PTPRU: variants seen among roughly 807,000 people sequenced by gnomAD.
PTPRU encodes receptor-type tyrosine-protein phosphatase U.
Under a neutral mutation model 166.3 loss-of-function variants are expected in PTPRU, and 69 were observed. That is an observed-to-expected ratio of 0.41 (90% CI 0.34 to 0.51). The LOEUF is 0.51. Ranked by LOEUF, PTPRU falls within the 20% of genes least tolerant of loss-of-function variation. The probability of loss-of-function intolerance (pLI) is 0.09; values close to 1 mark genes in which losing one functional copy is unlikely to be tolerated. For missense variants in PTPRU, 1,657 were observed against 2,013.7 expected, an observed-to-expected ratio of 0.82 and a Z score of 3.39; for synonymous variants, 793 against 814.0, an observed-to-expected ratio of 0.97 and a Z score of 0.44.
intron 15 of PTPRU, among the ~76,000 whole-genome samples, chr1:29,298,544 A>G (rs1049166322): frequency 7.2e-5 from 11 of 152,188 alleles, no homozygotes; most frequent in African/African-American, 2.7e-4. Context: ...AACCTTCCCA[A>G]GGTGTTGGAA....
In PTPRU at chr1:29,320,181, C is replaced by A. The variant is rs1397537741; in HGVS notation, c.3688-504C>A. ...AAATGTCATCAACTGGAAATTTCTACAAAAACAGCCAGGCAGTGTTTAATG... is the reference window on the plus strand; with the variant it reads ...AAATGTCATCAACTGGAAATTTCTAAAAAAACAGCCAGGCAGTGTTTAATG... On this transcript the variant is annotated intron_variant, in intron 25 of 29. Coordinates refer to ENST00000373779, the MANE Select transcript of PTPRU (RefSeq NM_133178.4). The surrounding 1 kb of genome is among the most constrained non-coding windows in gnomAD (Gnocchi z 5.2). 6.5e-6 allele frequency: 1 copy of A among 152,906 alleles called. No individual in the cohort carries two copies. Among genetic ancestry groups the A allele is most frequent in the Non-Finnish European group, 1.5e-5 (1 of 68,616 alleles). 9.5% of individuals were successfully genotyped at this position (152,906 alleles called of 1,614,324 possible). A position where few individuals can be genotyped will look rare whatever the true frequency, so the allele number is the denominator to read the frequency against.
intron 25 of PTPRU, 112 bp downstream of exon 25, chr1:29,318,033 A>G: frequency 7.3e-7 from 1 of 1,377,322 alleles, no homozygotes; most frequent in Non-Finnish European, 9.8e-7. Flanking sequence ...ACCCCTGCCC[A>G]TTCTGGGGAA....
chr1:29,281,452 T>A lies in PTPRU; in HGVS notation c.1869-1224T>A, dbSNP rs754493837. Among the ~76,000 whole-genome samples the A allele has an allele frequency of 6.4e-4, 98 of 152,014 alleles. 1 individual carries two copies. Among genetic ancestry groups the A allele is most frequent in the Non-Finnish European group, 2.2e-4 (15 of 67,998 alleles). ...TGGTCAGGGTCCCTCAGGATGATGA[T>A]TGCAAGGCTAGGTGGGGGCAGGCTT... On this transcript the variant is annotated intron_variant, in intron 11 of 29. Transcript: ENST00000373779.
chr1:29,244,852 T>C (rs1684220468), intron 1 of PTPRU, among the ~76,000 whole-genome samples: 1 of 152,170 alleles, frequency 6.6e-6, no homozygotes, highest in Admixed American at 6.5e-5. Context: ...AAGTGATCAC[T>C]GTTATGATGT....
At chr1:29,277,056 G>A (rs1685836647) in intron 8 of PTPRU, among the ~76,000 whole-genome samples, 1 of 152,140 alleles carries the variant, frequency 6.6e-6, no homozygotes, top group Non-Finnish European at 1.5e-5. Context: ...TGACCTAAGA[G>A]TTACTTAGAA....
rs558750779 is a variant in PTPRU, at chr1:29,238,070, T to C, written c.73+1353T>C. Among the ~76,000 whole-genome samples, 1 of 151,450 alleles carries C rather than the reference T, an allele frequency of 6.6e-6. No homozygotes were observed. Among genetic ancestry groups the C allele is most frequent in the Non-Finnish European group, 1.5e-5 (1 of 67,802 alleles). ...CCGGCCGGGACCGCCAGGTGTGTGC[T>C]TGAGTGTGAGCGTGAGTGTGAGCGT... On this transcript the variant is annotated intron_variant, in intron 1 of 29. Transcript: ENST00000373779. This position sits in a 1 kb window ranked among gnomAD's most constrained non-coding sequence, Gnocchi z 6.1.
At chr1:29,318,061 C>T in intron 25 of PTPRU, 140 bp downstream of exon 25, 6 of 1,139,312 alleles carry the variant, frequency 5.3e-6, no homozygotes, top group Non-Finnish European at 7.3e-6. Flanking sequence ...GTGTGTGACC[C>T]TCCTACTCCT....
Position 29,260,128 on chromosome 1 carries a change from G to T in PTPRU, c.850+84G>T. The T allele has an allele frequency of 1.6e-6, 2 of 1,266,460 alleles. No individual in the cohort carries two copies. The highest frequency in any genetic ancestry group is 1.0e-6 in the Non-Finnish European group (1 of 991,550). The allele number at this position is 1,266,460 out of a possible 1,614,324, so 78.5% of individuals were successfully genotyped here. On this transcript the variant is annotated intron_variant, in intron 6 of 29. Coordinates refer to ENST00000373779, the MANE Select transcript of PTPRU (RefSeq NM_133178.4). The surrounding 1 kb of genome is among the most constrained non-coding windows in gnomAD (Gnocchi z 8.3). Reference sequence around the variant, plus strand: ...ACGGGGGCGGGCTCTGCCCGGGGGCGTGGCCGTGGGGGGTGGGGCCGGCAG... The same window carrying T: ...ACGGGGGCGGGCTCTGCCCGGGGGCTTGGCCGTGGGGGGTGGGGCCGGCAG...
intron 15 of PTPRU, among the ~76,000 whole-genome samples, chr1:29,298,669 G>A (rs559753747): frequency 6.6e-6 from 1 of 152,308 alleles, no homozygotes; most frequent in African/African-American, 2.4e-5. Context: ...CAAATTGTTT[G>A]TCAAATAAGT....
At chr1:29,262,434 T>C (rs538581858) in intron 7 of PTPRU, among the ~76,000 whole-genome samples, 3 of 152,210 alleles carry the variant, frequency 2.0e-5, no homozygotes, top group Non-Finnish European at 4.4e-5. Flanking sequence ...TGTGGTCAAC[T>C]TGAGGCTTGA....
intron 1 of PTPRU, among the ~76,000 whole-genome samples, chr1:29,248,223 T>A (rs185619435): frequency 9.9e-5 from 15 of 152,182 alleles, no homozygotes; most frequent in African/African-American, 3.4e-4. Flanking sequence ...TTCAAATGCA[T>A]GAGACGTGGT....
intron 1 of PTPRU, among the ~76,000 whole-genome samples, chr1:29,239,845 G>A (rs1311950048): frequency 6.6e-6 from 1 of 152,020 alleles, no homozygotes; most frequent in Non-Finnish European, 1.5e-5. Flanking sequence ...TTTCCCTCAT[G>A]GTGCCAGGGA....
chr1:29,266,684 G>A (rs1204135578), intron 7 of PTPRU, among the ~76,000 whole-genome samples: 2 of 152,166 alleles, frequency 1.3e-5, no homozygotes, highest in African/African-American at 2.4e-5. Flanking sequence ...TTTATTCAAC[G>A]AATGCTTATT....
chr1:29,300,957 G>A (rs1687106093), intron 15 of PTPRU, among the ~76,000 whole-genome samples: 2 of 152,174 alleles, frequency 1.3e-5, no homozygotes, highest in African/African-American at 2.4e-5. Context: ...GGTCATTTCA[G>A]TTGAGAGTTG....
chr1:29,315,589 A>G lies in PTPRU; in HGVS notation c.3363+82A>G, dbSNP rs1687866919. The G allele has an allele frequency of 5.7e-6, 9 of 1,581,042 alleles. No individual in the cohort carries two copies. The highest frequency in any genetic ancestry group is 1.1e-5 in the South Asian group (1 of 89,512). On this transcript the variant is annotated intron_variant, in intron 23 of 29. Coordinates refer to ENST00000373779, the MANE Select transcript of PTPRU (RefSeq NM_133178.4). The surrounding 1 kb of genome is among the most constrained non-coding windows in gnomAD (Gnocchi z 4.5). ...TGAAGGATCCTGGAGCCGGCAGAGC[A>G]TGCCCAAAGGGTGTCCTGAGGCTCT...
chr1:29,240,775 G>A (rs1451955266), intron 1 of PTPRU, among the ~76,000 whole-genome samples: 1 of 152,060 alleles, frequency 6.6e-6, no homozygotes, highest in Non-Finnish European at 1.5e-5. Flanking sequence ...AACGGTCTGT[G>A]TGAGTGGCTG....
Position 29,257,313 on chromosome 1 carries a change from T to C in PTPRU, c.206-1192T>C, listed in dbSNP as rs759912187. Among the ~76,000 whole-genome samples the C allele has an allele frequency of 1.3e-5, 2 of 152,140 alleles. No individual in the cohort carries two copies. Among genetic ancestry groups the C allele is most frequent in the Non-Finnish European group, 2.9e-5 (2 of 68,012 alleles). Reference sequence around the variant, plus strand: ...TGGGGACTTGAGTTTAGTTTACTACTGCCCTGCTGGGACTGATCCAGGAGC... The same window carrying C: ...TGGGGACTTGAGTTTAGTTTACTACCGCCCTGCTGGGACTGATCCAGGAGC... On this transcript the variant is annotated intron_variant, in intron 2 of 29. Transcript: ENST00000373779. This position sits in a 1 kb window ranked among gnomAD's most constrained non-coding sequence, Gnocchi z 4.6.
At chr1:29,309,270 G>A (rs923923345) in intron 18 of PTPRU, among the ~76,000 whole-genome samples, 5 of 152,074 alleles carry the variant, frequency 3.3e-5, no homozygotes, top group South Asian at 2.1e-4. Flanking sequence ...GCATAATCCC[G>A]GGCCCCACCC....
At chr1:29,244,767 G>GT (rs1684217316) in intron 1 of PTPRU, among the ~76,000 whole-genome samples, 1 of 152,152 alleles carries the variant, frequency 6.6e-6, no homozygotes, top group Admixed American at 6.5e-5. Context: ...CACTGCATGC[G>GT]TTTGTCATGA....
Sources: allele counts gnomAD v4.1 joint callset (sites outside exome capture counted in the v4.1 genomes callset), GRCh38; gene constraint gnomAD v4.1.1; non-coding constraint Gnocchi (gnomAD v3.1); transcripts MANE v1.5; gene names NCBI Gene and HGNC (gene_info 2026-07-23, HGNC 2026-07-21).